Variants in ECM2 observed in about 807,000 individuals in gnomAD.
ECM2 encodes the protein extracellular matrix protein 2, female organ and adipocyte specific.
Under a neutral mutation model 67.5 loss-of-function variants are expected in ECM2, and 57 were observed. The ratio of observed to expected loss-of-function variants is 0.84; its 90% CI spans 0.68 to 1.05. The LOEUF (loss-of-function observed/expected upper bound fraction) is 1.05. Among genes scored for constraint, ECM2 ranks in the 50% least tolerant of loss-of-function variants. The pLI, the probability that ECM2 is intolerant of heterozygous loss-of-function variation, is 0.00. For synonymous variants in ECM2, 258 were observed against 294.5 expected, an observed-to-expected ratio of 0.88 and a Z score of 1.27; for missense variants, 741 against 822.8, an observed-to-expected ratio of 0.90 and a Z score of 1.22.
chr9:92,522,964 G>T, intron 1 of ECM2, 71 bp from the exon 2 acceptor site: 2 of 1,398,448 alleles, frequency 1.4e-6, no homozygotes, highest in South Asian at 1.5e-5. Flanking sequence ...TTATATATTT[G>T]CTTGTATGCC....
Position 92,496,081 on chromosome 9 carries a change from G to A in ECM2, c.*234C>T. 8.8e-7 allele frequency: 1 copy of A among 1,142,210 alleles called. No homozygotes were observed. The highest frequency in any genetic ancestry group is 1.1e-6 in the Non-Finnish European group (1 of 932,326). The allele number at this position is 1,142,210 out of a possible 1,614,324, so 70.8% of individuals were successfully genotyped here. A position where few individuals can be genotyped will look rare whatever the true frequency, so the allele number is the denominator to read the frequency against. On this transcript the variant is annotated 3_prime_UTR_variant, in exon 10 of 10. Coordinates refer to ENST00000344604, the MANE Select transcript of ECM2 (RefSeq NM_001393.4). ...CATAATATCCTATTCTAGTGAGATG[G>A]CCTCTTTCTAGAGGTAGGAAACTGA... is the stretch of plus-strand genomic sequence containing the variant.
chr9:92,495,292 T>C (rs1378075568), downstream of ECM2: 1 of 803,484 alleles, frequency 1.2e-6, no homozygotes, highest in African/African-American at 1.9e-5. Context: ...TAAATTACTT[T>C]AGCAATACAA....
chr9:92,530,059 T>C (rs1563989000), intron 1 of ECM2, among the ~76,000 whole-genome samples: 1 of 152,214 alleles, frequency 6.6e-6, no homozygotes, highest in Non-Finnish European at 1.5e-5. Flanking sequence ...CTAGAGATTA[T>C]TTAAAGTATA....
At chr9:92,522,083 G>GTTTT in intron 2 of ECM2, among the ~76,000 whole-genome samples, 1 of 151,922 alleles carries the variant, frequency 6.6e-6, no homozygotes, top group Non-Finnish European at 1.5e-5. Context: ...GTTTTGTTTT[G>GTTTT]TTTTGTTTTG....
rs777841346 is a variant in ECM2 at position 92,514,749 on chromosome 9, G to A, written c.936C>T (p.Gly312=). The A allele has an allele frequency of 1.2e-6, 2 of 1,614,164 alleles. No individual in the cohort carries two copies. The highest frequency in any genetic ancestry group is 1.7e-6 in the Non-Finnish European group (2 of 1,180,042). The change falls in exon 4 of 10, where the codon GGC becomes GGT. Residue 312 remains glycine, a synonymous_variant. Transcript: ENST00000344604. ...AGCACCCGCTTGGCAGGCGCAGTGT[G>A]CCTCTGGGAGGAGCAGGAAGCGGGG... ...SRSPLPAPPR[G]TLRLPSGCSL... is the part of the protein sequence containing the mutation.
At chr9:92,529,624 C>G (rs977544023) in intron 1 of ECM2, among the ~76,000 whole-genome samples, 6 of 151,916 alleles carry the variant, frequency 3.9e-5, no homozygotes, top group African/African-American at 1.5e-4. Flanking sequence ...TTATTCAACA[C>G]CAAAAAGAAA....
At chr9:92,495,237 C>A (rs1197365368), downstream of ECM2, 3 of 643,618 alleles carry the variant, frequency 4.7e-6, no homozygotes, top group East Asian at 2.8e-4. Flanking sequence ...AGACATAAAA[C>A]TGAGAGTAAC....
the ECM2 span, among the ~76,000 whole-genome samples, chr9:92,543,832 T>C: frequency 6.6e-6 from 1 of 152,228 alleles, no homozygotes; most frequent in South Asian, 2.1e-4. Context: ...GATTTCTTTT[T>C]CATGTAGTTT....
At position 92,533,338 on chromosome 9, in the gene ECM2, T is replaced by A. The variant is rs868512658; in HGVS notation, c.-28+2595A>T. On this transcript the variant is annotated intron_variant, in intron 1 of 9. Coordinates refer to ENST00000344604, the MANE Select transcript of ECM2 (RefSeq NM_001393.4). ...AAAAAAAAAAAAAAAAATATATATA[T>A]ATATATATATATATATATATGCTTT... Among the ~76,000 whole-genome samples the A allele has an allele frequency of 2.4e-3, 264 of 109,332 alleles. 4 individuals are homozygous for A. The highest frequency in any genetic ancestry group is 0.021 in the East Asian group (46 of 2,160). 71.7% of individuals were successfully genotyped at this position (109,332 alleles called of 152,430 possible). A position where few individuals can be genotyped will look rare whatever the true frequency, so the allele number is the denominator to read the frequency against.
intron 9 of ECM2, among the ~76,000 whole-genome samples, chr9:92,499,366 A>G (rs924156177): frequency 6.6e-6 from 1 of 152,202 alleles, no homozygotes; most frequent in South Asian, 2.1e-4. Context: ...TGAGCAAAAA[A>G]TTTTTTACAG....
At chr9:92,505,455 G>T in intron 7 of ECM2, 78 bp downstream of exon 7, 1 of 1,246,590 alleles carries the variant, frequency 8.0e-7, no homozygotes, top group South Asian at 1.4e-5. Flanking sequence ...CATCACAATA[G>T]TCTTAAAATA....
At chr9:92,506,065 G>C (rs1846989392) in intron 6 of ECM2, among the ~76,000 whole-genome samples, 1 of 152,192 alleles carries the variant, frequency 6.6e-6, no homozygotes, top group African/African-American at 2.4e-5. Flanking sequence ...GGTAGGAAAG[G>C]AATAGAAAGT....
intron 6 of ECM2, among the ~76,000 whole-genome samples, chr9:92,507,211 G>A (rs1847060425): frequency 6.6e-6 from 1 of 152,184 alleles, no homozygotes; most frequent in Admixed American, 6.5e-5. Flanking sequence ...TGGAAGTGCT[G>A]AGCAACAGGA....
At chr9:92,523,980 A>T (rs1848233532) in intron 1 of ECM2, among the ~76,000 whole-genome samples, 1 of 152,250 alleles carries the variant, frequency 6.6e-6, no homozygotes, top group Non-Finnish European at 1.5e-5. Context: ...ACAAATGAGC[A>T]TGGATGTGTT....
chr9:92,514,821 G>A lies in ECM2; in HGVS notation c.864C>T (p.Asp288=), dbSNP rs1554679580. Residue 288 remains aspartate (D), a synonymous_variant, in exon 4 of 10, where the codon GAC becomes GAT. Coordinates refer to ENST00000344604, the MANE Select transcript of ECM2 (RefSeq NM_001393.4). ...TATCTCCTCTTACCGGGTCCTCCTC[G>A]TCCTCCTCATCCTCCTCACCCTCCT... ...EGEEGEEDEE[D]EEDPVRGDMF... 21 of 1,612,452 alleles carry A rather than the reference G, an allele frequency of 1.3e-5. No individual in the cohort carries two copies. Among genetic ancestry groups the A allele is most frequent in the Middle Eastern group, 1.6e-4 (1 of 6,068 alleles).
rs545396916 is a variant in ECM2 at position 92,496,432 on chromosome 9, A to T, written c.1983T>A (p.Asn661Lys). ...ICNAEEDDDS[N>K]LEHLHLENNY... ...TGTTTTCAAGATGAAGATGTTCCAG[A>T]TTTGAGTCATCATCCTCTTCAGCAT... The change falls in exon 10 of 10, where the codon AAT becomes AAA. Residue 661 changes from asparagine to lysine, a missense_variant. Transcript: ENST00000344604. 1 of 1,609,162 alleles carries T rather than the reference A, an allele frequency of 6.2e-7. No homozygotes were observed. Among genetic ancestry groups the T allele is most frequent in the African/African-American group, 1.3e-5 (1 of 74,670 alleles).
the ECM2 span, among the ~76,000 whole-genome samples, chr9:92,554,465 G>A: frequency 1.3e-5 from 2 of 152,188 alleles, no homozygotes; most frequent in African/African-American, 4.8e-5. Context: ...TTACAGGCGT[G>A]AGCCACTGCG....
the ECM2 span, among the ~76,000 whole-genome samples, chr9:92,546,331 G>C: frequency 9.2e-5 from 14 of 152,250 alleles, no homozygotes; most frequent in East Asian, 5.8e-4. Flanking sequence ...ACCCACCAGA[G>C]GTCCCCTTCC....
chr9:92,553,313 G>A, the ECM2 span, among the ~76,000 whole-genome samples: 9 of 152,066 alleles, frequency 5.9e-5, no homozygotes, highest in African/African-American at 1.4e-4. Context: ...GGTGACTGTG[G>A]CCTTATAGTT....
Sources: allele counts gnomAD v4.1 joint callset (sites outside exome capture counted in the v4.1 genomes callset), GRCh38; gene constraint gnomAD v4.1.1; transcripts MANE v1.5; gene names NCBI Gene and HGNC (gene_info 2026-07-23, HGNC 2026-07-21).